The following AGBL4 variants were observed in gnomAD, a reference collection of about 807,000 sequenced individuals.
AGBL4 encodes cytosolic carboxypeptidase 6.
A neutral mutation model predicts 66.4 loss-of-function variants in AGBL4; 58 were observed. That is an observed-to-expected ratio of 0.87 (90% CI 0.71 to 1.09). The LOEUF is 1.09. AGBL4 is among the 50% of genes least tolerant of loss of function. The pLI, the probability that AGBL4 is intolerant of heterozygous loss-of-function variation, is 0.00. For synonymous variants in AGBL4, 234 were observed against 222.9 expected, an observed-to-expected ratio of 1.05 and a Z score of -0.44; for missense variants, 579 against 631.0, an observed-to-expected ratio of 0.92 and a Z score of 0.88.
At chr1:49,120,825 A>T (rs1346256937) in intron 4 of AGBL4, among the ~76,000 whole-genome samples, 2 of 152,120 alleles carry the variant, frequency 1.3e-5, no homozygotes, top group Non-Finnish European at 2.9e-5. Flanking sequence ...CATTCTCCCC[A>T]TCACTTTCAG....
rs143684270 is a variant in AGBL4, at chr1:48,952,511, C to T, written c.595-85281G>A. The stretch of plus-strand genomic sequence containing the variant: ...TGGTTAGTGAAGTCCTCCCGGAGGA[C>T]GCTGGGGTAAGATTCAAAAGCAAGA... On this transcript the variant is annotated intron_variant, in intron 5 of 13. Transcript: ENST00000371839. Among the ~76,000 whole-genome samples, 39 of 152,300 alleles carry T rather than the reference C, an allele frequency of 2.6e-4. No homozygotes were observed. In the East Asian group the frequency reaches 3.3e-3, roughly 13 times the overall value.
At chr1:48,552,799 C>T (rs1414748694) in intron 11 of AGBL4, among the ~76,000 whole-genome samples, 3 of 151,788 alleles carry the variant, frequency 2.0e-5, no homozygotes, top group Non-Finnish European at 4.4e-5. Context: ...TCTTGGCTTC[C>T]CTACTTAGAA....
intron 13 of AGBL4, 57 bp from the exon 14 acceptor site, chr1:48,534,350 A>G: frequency 1.3e-6 from 2 of 1,500,014 alleles, no homozygotes; most frequent in South Asian, 2.7e-5. Flanking sequence ...CACTGTGATG[A>G]AATCATTTGT....
At chr1:48,818,806 G>A (rs1002977942) in intron 6 of AGBL4, among the ~76,000 whole-genome samples, 3 of 151,920 alleles carry the variant, frequency 2.0e-5, no homozygotes, top group Non-Finnish European at 4.4e-5. Flanking sequence ...ATATAGCAAC[G>A]GTGATAGTTT....
At chr1:49,364,694 T>C (rs1570531047) in intron 3 of AGBL4, among the ~76,000 whole-genome samples, 1 of 152,168 alleles carries the variant, frequency 6.6e-6, no homozygotes, top group African/African-American at 2.4e-5. Flanking sequence ...GCCAGGCTGG[T>C]CTTGAACTCC....
chr1:50,022,922 C>A (rs1662558278), intron 1 of AGBL4, among the ~76,000 whole-genome samples: 2 of 152,280 alleles, frequency 1.3e-5, no homozygotes, highest in East Asian at 3.9e-4. Flanking sequence ...AACTTAAAGT[C>A]AGTATCTCAC....
intron 8 of AGBL4, among the ~76,000 whole-genome samples, chr1:48,649,741 C>T (rs1645897258): frequency 6.6e-6 from 1 of 152,170 alleles, no homozygotes; most frequent in Admixed American, 6.5e-5. Context: ...CCTGACCAGC[C>T]TTCCTAGATT....
At chr1:48,582,820 C>T (rs1384046469) in intron 11 of AGBL4, among the ~76,000 whole-genome samples, 1 of 152,152 alleles carries the variant, frequency 6.6e-6, no homozygotes, top group Non-Finnish European at 1.5e-5. Context: ...TTATTTATTT[C>T]CCAGATATAG....
chr1:49,650,929 T>C (rs1384347562), intron 3 of AGBL4, among the ~76,000 whole-genome samples: 1 of 152,100 alleles, frequency 6.6e-6, no homozygotes, highest in Non-Finnish European at 1.5e-5. Context: ...TTTCCAGCAC[T>C]ATTCATGGTA....
intron 6 of AGBL4, among the ~76,000 whole-genome samples, chr1:48,777,970 T>C (rs1392911019): frequency 6.6e-6 from 1 of 152,158 alleles, no homozygotes; most frequent in African/African-American, 2.4e-5. Flanking sequence ...GGGGGCTGAT[T>C]GGGCTCTGTA....
At chr1:49,139,714 G>A (rs1024895004) in intron 4 of AGBL4, among the ~76,000 whole-genome samples, 7 of 152,088 alleles carry the variant, frequency 4.6e-5, no homozygotes, top group Non-Finnish European at 8.8e-5. Context: ...AATACTGTTC[G>A]TCCTATCCCA....
chr1:49,668,795 A>G (rs1025130563), intron 3 of AGBL4, among the ~76,000 whole-genome samples: 4 of 152,178 alleles, frequency 2.6e-5, no homozygotes, highest in African/African-American at 7.2e-5. Flanking sequence ...TAAACCATCA[A>G]CTAAGACATA....
In AGBL4 at chr1:49,700,844, C is replaced by T. The variant is rs1273354047; in HGVS notation, c.158-3407G>A. Reference sequence around the variant, plus strand: ...ATGATTTACACATGTGGATAAAGATCAATGATCCATGCTTCTGTTTTAAAG... The same window carrying T: ...ATGATTTACACATGTGGATAAAGATTAATGATCCATGCTTCTGTTTTAAAG... On this transcript the variant is annotated intron_variant, in intron 2 of 13. Transcript: ENST00000371839. 2.0e-5 allele frequency among the ~76,000 whole-genome samples: 3 copies of T among 151,792 alleles called. No individual in the cohort carries two copies. In the East Asian group the frequency reaches 5.8e-4, roughly 29 times the overall value.
intron 6 of AGBL4, among the ~76,000 whole-genome samples, chr1:48,823,216 C>CA (rs1023121348): frequency 2.0e-5 from 3 of 152,292 alleles, no homozygotes; most frequent in Non-Finnish European, 4.4e-5. Context: ...AGTCAGGAAG[C>CA]AAACTCTAAG....
At chr1:49,280,805 T>C (rs1644258104) in intron 3 of AGBL4, among the ~76,000 whole-genome samples, 1 of 152,234 alleles carries the variant, frequency 6.6e-6, no homozygotes, top group African/African-American at 2.4e-5. Context: ...GTTACACAGA[T>C]CAGACATACA....
chr1:48,900,579 A>G (rs1194490967), intron 5 of AGBL4, among the ~76,000 whole-genome samples: 1 of 152,228 alleles, frequency 6.6e-6, no homozygotes, highest in Non-Finnish European at 1.5e-5. Flanking sequence ...ATAGACCCAC[A>G]CATATATAGA....
intron 2 of AGBL4, among the ~76,000 whole-genome samples, chr1:49,799,792 A>G (rs1400277564): frequency 1.3e-5 from 2 of 152,160 alleles, no homozygotes; most frequent in East Asian, 3.8e-4. Flanking sequence ...TGTGATCAAT[A>G]TACATTATCT....
intron 3 of AGBL4, among the ~76,000 whole-genome samples, chr1:49,655,713 C>T (rs1449199969): frequency 6.6e-6 from 1 of 152,104 alleles, no homozygotes; most frequent in Non-Finnish European, 1.5e-5. Context: ...CAGAGCAGAA[C>T]TGAAGGAGAT....
intron 1 of AGBL4, among the ~76,000 whole-genome samples, chr1:49,991,461 C>T (rs143656198): frequency 6.6e-6 from 1 of 152,044 alleles, no homozygotes; most frequent in Admixed American, 6.5e-5. Flanking sequence ...TTTTACAAAG[C>T]CTGGTTTTTC....
Sources: allele counts gnomAD v4.1 joint callset (sites outside exome capture counted in the v4.1 genomes callset), GRCh38; gene constraint gnomAD v4.1.1; transcripts MANE v1.5; gene names NCBI Gene and HGNC (gene_info 2026-07-23, HGNC 2026-07-21).